The following TGFA variants were observed in gnomAD, a reference collection of about 807,000 sequenced individuals.
TGFA encodes protransforming growth factor alpha.
A neutral mutation model predicts 21.7 loss-of-function variants in TGFA; 12 were observed. The ratio of observed to expected loss-of-function variants is 0.55; its 90% CI spans 0.35 to 0.90. TGFA has a LOEUF of 0.90. Among genes scored for constraint, TGFA ranks in the 40% least tolerant of loss-of-function variants. The pLI is 0.01. For missense variants in TGFA, 178 were observed against 210.8 expected (o/e 0.84, Z 0.96); for synonymous variants, 79 against 88.1 (o/e 0.90, Z 0.58).
chr2:70,458,239 G>A (rs1553490920), intron 3 of TGFA, among the ~76,000 whole-genome samples: 1 of 152,214 alleles, frequency 6.6e-6, no homozygotes, highest in East Asian at 1.9e-4. Context: ...TCCAGGCTGA[G>A]AGGTGATAAG....
chr2:70,534,997 G>C (rs570217491), intron 1 of TGFA, among the ~76,000 whole-genome samples: 1 of 152,066 alleles, frequency 6.6e-6, no homozygotes, highest in East Asian at 1.9e-4. Flanking sequence ...GCTGGCAGAG[G>C]GAACTTGGGC....
chr2:70,464,187 C>T (rs367913702), intron 3 of TGFA, among the ~76,000 whole-genome samples: 2 of 152,354 alleles, frequency 1.3e-5, no homozygotes, highest in African/African-American at 4.8e-5. Context: ...TGGCCTTAAG[C>T]ATCATGGCTA....
chr2:70,459,104 T>G (rs897678803), intron 3 of TGFA, among the ~76,000 whole-genome samples: 1 of 152,178 alleles, frequency 6.6e-6, no homozygotes, highest in Admixed American at 6.5e-5. Flanking sequence ...GAGCAACCCA[T>G]GACAATTTCA....
intron 1 of TGFA, among the ~76,000 whole-genome samples, chr2:70,538,502 T>A (rs1304532754): frequency 6.6e-6 from 1 of 152,176 alleles, no homozygotes; most frequent in Non-Finnish European, 1.5e-5. Context: ...ATATCAACAT[T>A]AATAGGAGTT....
chr2:70,453,437 C>A (rs62149639), intron 4 of TGFA, 110 bp from the exon 5 acceptor site: 1 of 715,196 alleles, frequency 1.4e-6, no homozygotes, highest in Non-Finnish European at 2.2e-6. Context: ...AAACCAGCTC[C>A]AAACCAGCTC....
chr2:70,534,154 C>A (rs193154373), intron 1 of TGFA, among the ~76,000 whole-genome samples: 61 of 152,316 alleles, frequency 4.0e-4, no homozygotes, highest in African/African-American at 1.4e-3. Context: ...AGTAAAAGAG[C>A]AAATGCTATT....
chr2:70,459,996 C>A (rs1670363534), intron 3 of TGFA, among the ~76,000 whole-genome samples: 1 of 152,204 alleles, frequency 6.6e-6, no homozygotes, highest in East Asian at 1.9e-4. Context: ...GTGGGTCTCA[C>A]CTACAGTTGG....
At chr2:70,514,360 A>G (rs1672198735) in intron 2 of TGFA, among the ~76,000 whole-genome samples, 1 of 152,060 alleles carries the variant, frequency 6.6e-6, no homozygotes, top group Non-Finnish European at 1.5e-5. Flanking sequence ...TGCCTCCTAC[A>G]TGTCCCAAGC....
intron 1 of TGFA, 149 bp downstream of exon 1, chr2:70,553,579 T>C: frequency 7.6e-7 from 1 of 1,311,776 alleles, no homozygotes; most frequent in Non-Finnish European, 9.7e-7. Flanking sequence ...ATGACTCCCC[T>C]TGCCTCCCAG....
chr2:70,473,128 A>T lies in TGFA; in HGVS notation c.95-7392T>A, dbSNP rs980479366. ...CTGAGGCCAGGCTGGAGTCACCCAA[A>T]GCTCTGGACTCAGCTCTGGGATGGG... On this transcript the variant is annotated intron_variant, in intron 2 of 5. Coordinates refer to ENST00000295400, the MANE Select transcript of TGFA (RefSeq NM_003236.4). Among the ~76,000 whole-genome samples, 6 of 152,232 alleles carry T rather than the reference A, an allele frequency of 3.9e-5. No homozygotes were observed. The East Asian group carries it at 1.2e-3, about 30-fold the overall frequency.
intron 2 of TGFA, among the ~76,000 whole-genome samples, chr2:70,478,597 C>T (rs562167527): frequency 2.0e-4 from 30 of 152,238 alleles, no homozygotes; most frequent in Non-Finnish European, 3.8e-4. Flanking sequence ...GTTTTACTGG[C>T]AATGTGTTAC....
At chr2:70,476,699 G>A (rs1553494453) in intron 2 of TGFA, among the ~76,000 whole-genome samples, 2 of 152,074 alleles carry the variant, frequency 1.3e-5, no homozygotes, top group East Asian at 1.9e-4. Context: ...TTTTTTCATC[G>A]GCAGTTTGCA....
At chr2:70,473,684 G>GT (rs1553493690) in intron 2 of TGFA, among the ~76,000 whole-genome samples, 2 of 151,714 alleles carry the variant, frequency 1.3e-5, no homozygotes, top group African/African-American at 4.9e-5. Context: ...GTCTTAGAGG[G>GT]GGGTGTGTGG....
chr2:70,453,359 G>A (rs1553489993), intron 4 of TGFA, 32 bp from the exon 5 acceptor site: 1 of 1,600,858 alleles, frequency 6.2e-7, no homozygotes, highest in East Asian at 2.2e-5. Context: ...AGTCTGGGCA[G>A]GAGCCTGGTA....
intron 1 of TGFA, among the ~76,000 whole-genome samples, chr2:70,517,516 T>A (rs1243398155): frequency 6.6e-6 from 1 of 152,216 alleles, no homozygotes; most frequent in Non-Finnish European, 1.5e-5. Context: ...GTTCTCTTAC[T>A]TAGTCCTTAT....
At chr2:70,516,579 C>T (rs142497000) in intron 1 of TGFA, among the ~76,000 whole-genome samples, 1 of 151,556 alleles carries the variant, frequency 6.6e-6, no homozygotes, top group Non-Finnish European at 1.5e-5. Context: ...TCATGCATGT[C>T]TTCCCTGTGC....
intron 2 of TGFA, among the ~76,000 whole-genome samples, chr2:70,502,332 G>T (rs1181783406): frequency 2.6e-5 from 4 of 152,118 alleles, no homozygotes; most frequent in African/African-American, 4.8e-5. Flanking sequence ...ATCTGTTTTT[G>T]TTTGTTTGTT....
chr2:70,481,320 A>T (rs1188747858), intron 2 of TGFA, among the ~76,000 whole-genome samples: 1 of 152,160 alleles, frequency 6.6e-6, no homozygotes, highest in African/African-American at 2.4e-5. Context: ...TACTGCCCCA[A>T]ATAGAATGAG....
At chr2:70,553,053 G>A (rs773493274) in intron 1 of TGFA, 5 of 966,468 alleles carry the variant, frequency 5.2e-6, no homozygotes, top group Non-Finnish European at 6.0e-6. Flanking sequence ...TCATTTCCAA[G>A]GACATACTCA....
Sources: gnomAD v4.1 joint callset for allele counts (sites outside exome capture counted in the v4.1 genomes callset) on GRCh38, gnomAD v4.1.1 for gene constraint, MANE v1.5 for transcripts, NCBI Gene and HGNC (gene_info 2026-07-23, HGNC 2026-07-21) for gene names.